Variants in TTN observed in about 807,000 individuals in gnomAD.
TTN encodes titin.
TTN carries 1,525 observed loss-of-function variants against 3,223.0 expected under a neutral mutation model. The observed-to-expected ratio is 0.47, with a 90% CI of 0.45 to 0.49. TTN has a LOEUF of 0.49. Among genes scored for constraint, TTN ranks in the 20% least tolerant of loss-of-function variants. The pLI is 0.00. For synonymous variants in TTN, 14,094 were observed against 15,161.0 expected (o/e 0.93, Z 5.17); for missense variants, 40,786 against 43,424.0 (o/e 0.94, Z 5.40).
chr2:178,566,699 T>C lies in TTN; in HGVS notation c.79433A>G (p.Tyr26478Cys), dbSNP rs1053235966. 1 of 1,613,472 alleles carries C rather than the reference T, an allele frequency of 6.2e-7. No homozygotes were observed. Among genetic ancestry groups the C allele is most frequent in the Non-Finnish European group, 8.5e-7 (1 of 1,179,684 alleles). ...GAACACAGGATCACAGGCTTTATAATAAACTGTAGCTGGACTTGGTTCCCC... is the reference window on the plus strand; with the variant it reads ...GAACACAGGATCACAGGCTTTATAACAAACTGTAGCTGGACTTGGTTCCCC... ...GVGEPSPATVYYKACDPVFKP... is the reference protein window; with the variant it reads ...GVGEPSPATVCYKACDPVFKP... The change falls in exon 326 of 363, where the codon TAT becomes TGT. Residue 26478 changes from tyrosine to cysteine, a missense_variant. Transcript: ENST00000589042.
Position 178,567,993 on chromosome 2 carries a change from C to G in TTN, c.78139G>C (p.Asp26047His), listed in dbSNP as rs1315662301. The change falls in exon 326 of 363, where the codon GAC (aspartate) becomes CAC (histidine). Residue 26047 changes from aspartate (D) to histidine (H), a missense_variant. Coordinates refer to ENST00000589042, the MANE Select transcript of TTN (RefSeq NM_001267550.2). ...AGATTCTGTGCTTTGAATTGGGTGT[C>G]ATGAATAATAGTTTTGTTGACCTTT... ...WTKVNKTIIH[D>H]TQFKAQNLEE... is the part of the protein sequence containing the mutation. 1 of 1,613,478 alleles carries G rather than the reference C, an allele frequency of 6.2e-7. No individual in the cohort carries two copies. The highest frequency in any genetic ancestry group is 1.7e-5 in the Admixed American group (1 of 59,978).
Position 178,560,141 on chromosome 2 carries a change from C to G in TTN, c.85991G>C (p.Gly28664Ala), listed in dbSNP as rs370285001. The change falls in exon 326 of 363, where the codon GGC (glycine) becomes GCC (alanine). Residue 28664 changes from glycine (G) to alanine (A), a missense_variant. Coordinates refer to ENST00000589042, the MANE Select transcript of TTN (RefSeq NM_001267550.2). ...CCAGGCAATAGTTATAGTTGTCTTG[C>G]CTGAGTCCACAATTTTGGGTTTGGA... The part of the protein sequence containing the change: ...PPSKPKIVDS[G>A]KTTITIAWVK... 2 of 1,613,474 alleles carry G rather than the reference C, an allele frequency of 1.2e-6. No homozygotes were observed. Among genetic ancestry groups the G allele is most frequent in the Admixed American group, 1.7e-5 (1 of 59,970 alleles).
Position 178,684,733 on chromosome 2 carries a change from C to A in TTN, c.32571G>T (p.Lys10857Asn), listed in dbSNP as rs370317568. The A allele has an allele frequency of 6.6e-5, 106 of 1,613,304 alleles. No homozygotes were observed. The highest frequency in any genetic ancestry group is 9.0e-5 in the Non-Finnish European group (106 of 1,179,648). Reference protein sequence around the residue: ...VPPPKVPEEPKKPVPEKKVPP... With the variant: ...VPPPKVPEEPNKPVPEKKVPP... ...GAACCTTTTTTTCTGGAACTGGTTT[C>A]TTTGGCTCTTCTGGCACTTAAAAGA... Residue 10857 changes from lysine to asparagine, a missense_variant, in exon 131 of 363, where the codon AAG becomes AAT. Lys to Asn is a moderately conservative substitution (Grantham distance 94). Coordinates refer to ENST00000589042, the MANE Select transcript of TTN (RefSeq NM_001267550.2).
intron 41 of TTN, among the ~76,000 whole-genome samples, chr2:178,765,047 TG>T (rs2090118540): frequency 6.6e-6 from 1 of 152,114 alleles, no homozygotes; most frequent in Admixed American, 6.6e-5. Context: ...TTTTGATATT[TG>T]GGGGGCATGC....
intron 34 of TTN, 147 bp from the exon 35 acceptor site, chr2:178,770,822 A>G: frequency 2.8e-6 from 3 of 1,056,614 alleles, no homozygotes; most frequent in Non-Finnish European, 4.4e-6. Flanking sequence ...TTTAAAAAAC[A>G]CCTGAGATTA....
Position 178,561,839 on chromosome 2 carries a change from G to A in TTN, c.84293C>T (p.Thr28098Ile), listed in dbSNP as rs746141297. 1 of 1,613,644 alleles carries A rather than the reference G, an allele frequency of 6.2e-7. No homozygotes were observed. Among genetic ancestry groups the A allele is most frequent in the Non-Finnish European group, 8.5e-7 (1 of 1,179,736 alleles). ...TGAAACTATGTGCCATGTTGTAGAGGTGGTTTCTTTCTTTTCAACAATGTA... is the reference window on the plus strand; with the variant it reads ...TGAAACTATGTGCCATGTTGTAGAGATGGTTTCTTTCTTTTCAACAATGTA... ...SNYIVEKKETTSTTWHIVSQA... is the reference protein window; with the variant it reads ...SNYIVEKKETISTTWHIVSQA... The change falls in exon 326 of 363, where the codon ACC (threonine) becomes ATC (isoleucine). Residue 28098 changes from threonine (T) to isoleucine (I), a missense_variant. Transcript: ENST00000589042.
Position 178,781,279 on chromosome 2 carries a change from C to A in TTN, c.3381-16G>T. On this transcript the variant is annotated splice_polypyrimidine_tract_variant and intron_variant, in intron 20 of 362. Coordinates refer to ENST00000589042, the MANE Select transcript of TTN (RefSeq NM_001267550.2). ...CACTTTGTATCTTTATGTAAATGTA[C>A]AAAATTTAAAAATCAGTTATCAACA... 6.2e-7 allele frequency: 1 copy of A among 1,613,400 alleles called. No individual in the cohort carries two copies. Among genetic ancestry groups the A allele is most frequent in the Non-Finnish European group, 8.5e-7 (1 of 1,179,708 alleles).
At position 178,592,970 on chromosome 2, in the gene TTN, C is replaced by T. The variant is rs1308382519; in HGVS notation, c.59149G>A (p.Val19717Ile). Residue 19717 changes from valine to isoleucine, a missense_variant, in exon 300 of 363, where the codon GTT (valine) becomes ATT (isoleucine). Val to Ile is a conservative substitution (Grantham distance 29). Transcript: ENST00000589042. ...DGGSKILGYI[V>I]EYQKVGDEEW... is the part of the protein sequence containing the mutation. ...TCATCTCCAACTTTCTGGTACTCAA[C>T]AATATAACCCAGAATCTTGCTCCCA... The T allele has an allele frequency of 1.2e-6, 2 of 1,613,506 alleles. No homozygotes were observed. Among genetic ancestry groups the T allele is most frequent in the South Asian group, 2.2e-5 (2 of 91,070 alleles).
Position 178,564,553 on chromosome 2 carries a change from T to C in TTN, c.81579A>G (p.Lys27193=), listed in dbSNP as rs565307960. Residue 27193 remains lysine (K), a synonymous_variant, in exon 326 of 363, where the codon AAA becomes AAG. Coordinates refer to ENST00000589042, the MANE Select transcript of TTN (RefSeq NM_001267550.2). ...TTTTGCTACCACCATCATAGGCAGG[T>C]TTCTTCCATTTCAGTGTGACATTGT... ...TRNNVTLKWK[K]PAYDGGSKIT... 5.0e-6 allele frequency: 8 copies of C among 1,613,174 alleles called. No homozygotes were observed. In the South Asian group the frequency reaches 8.8e-5, roughly 18 times the overall value.
At chr2:178,742,058 T>G (rs1160622984) in intron 47 of TTN, 137 bp from the exon 48 acceptor site, 28 of 741,370 alleles carry the variant, frequency 3.8e-5, no homozygotes, top group Non-Finnish European at 4.4e-5. Context: ...AAGATTAATG[T>G]ATCAAAAAGC....
Position 178,599,548 on chromosome 2 carries a change from C to T in TTN, c.56347+6G>A. ...AGTAATTTTAACCAAACCATGCAGT[C>T]TTTACCCAGGACATTCAGTCTCATC... On this transcript the variant is annotated splice_donor_region_variant and intron_variant, in intron 289 of 362. Coordinates refer to ENST00000589042, the MANE Select transcript of TTN (RefSeq NM_001267550.2). The T allele has an allele frequency of 2.6e-6, 4 of 1,552,954 alleles. No individual in the cohort carries two copies. The highest frequency in any genetic ancestry group is 3.5e-6 in the Non-Finnish European group (4 of 1,151,100).
Position 178,548,338 on chromosome 2 carries a change from A to G in TTN, c.93288T>C (p.Tyr31096=), listed in dbSNP as rs1280272876. The G allele has an allele frequency of 5.0e-6, 8 of 1,613,730 alleles. No individual in the cohort carries two copies. The highest frequency in any genetic ancestry group is 1.1e-5 in the South Asian group (1 of 91,086). Residue 31096 remains tyrosine (Y), a synonymous_variant, in exon 339 of 363, where the codon TAT becomes TAC. Transcript: ENST00000589042. This position sits in a 1 kb window ranked among gnomAD's most constrained non-coding sequence, Gnocchi z 4.3. Reference sequence around the variant, plus strand: ...GCATTTCATAGGGCTCACCAACACCATACTCATTTACTGCAGAAACACGGA... The same window carrying G: ...GCATTTCATAGGGCTCACCAACACCGTACTCATTTACTGCAGAAACACGGA... The part of the protein sequence containing the change: ...YYFRVSAVNE[Y]GVGEPYEMPE...
chr2:178,740,775 T>C lies in TTN; in HGVS notation c.12458A>G (p.Gln4153Arg). ...LKEPSPNLQLQIVQSQKTFSK... is the reference protein window; with the variant it reads ...LKEPSPNLQLRIVQSQKTFSK... Reference sequence around the variant, plus strand: ...GAAGGTTTTCTGGGACTGTACAATCTGCAGCTGTAGGTTGGGAGATGGTTC... The same window carrying C: ...GAAGGTTTTCTGGGACTGTACAATCCGCAGCTGTAGGTTGGGAGATGGTTC... Residue 4153 changes from glutamine (Q) to arginine (R), a missense_variant, in exon 48 of 363, where the codon CAG becomes CGG. Gln to Arg is a conservative substitution (Grantham distance 43). Coordinates refer to ENST00000589042, the MANE Select transcript of TTN (RefSeq NM_001267550.2). The C allele has an allele frequency of 6.2e-7, 1 of 1,613,642 alleles. No individual in the cohort carries two copies. The highest frequency in any genetic ancestry group is 8.5e-7 in the Non-Finnish European group (1 of 1,179,738).
Position 178,587,985 on chromosome 2 carries a change from T to C in TTN, c.63422A>G (p.Tyr21141Cys), listed in dbSNP as rs762123565. Residue 21141 changes from tyrosine to cysteine, a missense_variant, in exon 305 of 363, where the codon TAT becomes TGT. By Grantham distance (194) the Tyr-to-Cys change is radical. Coordinates refer to ENST00000589042, the MANE Select transcript of TTN (RefSeq NM_001267550.2). ...TVTSLDENQE[Y>C]EFRVCAQNQV... ...GTTTTGGGCACACACCCTGAACTCA[T>C]ATTCCTGGTTTTCATCCAAGCTGGT... 1.2e-6 allele frequency: 2 copies of C among 1,612,400 alleles called. No individual in the cohort carries two copies. Among genetic ancestry groups the C allele is most frequent in the East Asian group, 4.5e-5 (2 of 44,548 alleles).
chr2:178,799,257 AC>A, intron 6 of TTN: 1 of 592,954 alleles, frequency 1.7e-6, no homozygotes, highest in South Asian at 2.0e-5. Flanking sequence ...GCCTATAAAA[AC>A]CCCTGAGACC....
intron 245 of TTN, 45 bp downstream of exon 245, chr2:178,621,430 T>G: frequency 6.2e-7 from 1 of 1,606,628 alleles, no homozygotes; most frequent in Non-Finnish European, 8.5e-7. Flanking sequence ...ATCTAGCAAG[T>G]GTGAATTGTT....
chr2:178,582,797 C>T (rs908363302), intron 313 of TTN, 143 bp downstream of exon 313: 13 of 920,864 alleles, frequency 1.4e-5, no homozygotes, highest in South Asian at 1.2e-4. Flanking sequence ...AACTCTAAAA[C>T]GTGGTTCTGT....
rs374614550 is a variant in TTN at position 178,582,037 on chromosome 2, A to G, written c.66332T>C (p.Ile22111Thr). The G allele has an allele frequency of 3.7e-6, 6 of 1,613,254 alleles. No homozygotes were observed. Among genetic ancestry groups the G allele is most frequent in the East Asian group, 2.2e-5 (1 of 44,798 alleles). Residue 22111 changes from isoleucine (I) to threonine (T), a missense_variant, in exon 315 of 363, where the codon ATA (isoleucine) becomes ACA (threonine). By Grantham distance (89) the Ile-to-Thr change is moderately conservative. Transcript: ENST00000589042. ...ACCTGTTGCTTTTAATGTTCTTTCT[A>G]TAATAGGTTTTCTGTTGACCTTAGT... ...NWTKVNRKPI[I>T]ERTLKATGLQ... is the part of the protein sequence containing the mutation.
chr2:178,624,659 C>T lies in TTN; in HGVS notation c.44621G>A (p.Cys14874Tyr), dbSNP rs375446773. ...CTTAGCATTTTCTCTGGAGACTTCA[C>T]ACTCCAGCACTGCAGTGGCTCCCTC... ...VEEGATAVLE[C>Y]EVSRENAKVK... Residue 14874 changes from cysteine to tyrosine, a missense_variant, in exon 242 of 363, where the codon TGT becomes TAT. Coordinates refer to ENST00000589042, the MANE Select transcript of TTN (RefSeq NM_001267550.2). 1 of 1,612,534 alleles carries T rather than the reference C, an allele frequency of 6.2e-7. No individual in the cohort carries two copies. The highest frequency in any genetic ancestry group is 8.5e-7 in the Non-Finnish European group (1 of 1,179,108).
Sources: gnomAD v4.1 joint callset for allele counts (sites outside exome capture counted in the v4.1 genomes callset) on GRCh38, gnomAD v4.1.1 for gene constraint, Gnocchi (gnomAD v3.1) non-coding constraint, MANE v1.5 for transcripts, NCBI Gene and HGNC (gene_info 2026-07-23, HGNC 2026-07-21) for gene names.